The following NTRK2 variants were observed in gnomAD, a reference collection of about 807,000 sequenced individuals.
The protein encoded by NTRK2 is neurotrophic receptor tyrosine kinase 2.
NTRK2 carries 13 observed loss-of-function variants against 94.5 expected under a neutral mutation model. The ratio of observed to expected loss-of-function variants is 0.14; its 90% CI spans 0.09 to 0.22. The LOEUF is 0.22. Among genes scored for constraint, NTRK2 ranks in the 10% least tolerant of loss-of-function variants. NTRK2 has a pLI of 1.00. For missense variants in NTRK2, 639 were observed against 1,071.2 expected (o/e 0.60, Z 5.63); for synonymous variants, 372 against 407.4 (o/e 0.91, Z 1.05).
chr9:84,734,326 C>G (rs758606788), intron 9 of NTRK2, among the ~76,000 whole-genome samples: 1 of 152,190 alleles, frequency 6.6e-6, no homozygotes. Context: ...GCGAACATTC[C>G]CCACCTCCCT....
At chr9:84,810,079 C>T (rs1444686224) in intron 12 of NTRK2, among the ~76,000 whole-genome samples, 8 of 151,982 alleles carry the variant, frequency 5.3e-5, no homozygotes, top group Non-Finnish European at 8.8e-5. Context: ...GAAACTAATT[C>T]CCCCCACCCA....
intron 14 of NTRK2, among the ~76,000 whole-genome samples, chr9:84,909,338 G>T (rs947823679): frequency 6.6e-6 from 1 of 152,030 alleles, no homozygotes; most frequent in Non-Finnish European, 1.5e-5. Context: ...AGGACATCTG[G>T]GTTGTTTTTT....
chr9:84,790,601 C>T (rs2068628745), intron 12 of NTRK2, among the ~76,000 whole-genome samples: 1 of 152,202 alleles, frequency 6.6e-6, no homozygotes, highest in African/African-American at 2.4e-5. Context: ...TTTGCTATGC[C>T]TGCTGGTCTT....
At chr9:84,807,159 A>G (rs2133482731) in intron 12 of NTRK2, among the ~76,000 whole-genome samples, 1 of 152,326 alleles carries the variant, frequency 6.6e-6, no homozygotes, top group Non-Finnish European at 1.5e-5. Flanking sequence ...GTTAATTTAA[A>G]TGTACTGCAG....
rs1200832694 is a variant in NTRK2, at chr9:85,022,712, A to G, written c.*1275A>G. 1.3e-5 allele frequency: 3 copies of G among 233,130 alleles called. No homozygotes were observed. The highest frequency in any genetic ancestry group is 5.6e-5 in the Admixed American group (1 of 17,778). The allele number at this position is 233,130 out of a possible 1,614,324, so 14.4% of individuals were successfully genotyped here. ...TCCCTGATAGGTAGAGCAGATCCAT[A>G]AAAAGGTATGACTTATACAATTAGG... On this transcript the variant is annotated 3_prime_UTR_variant, in exon 19 of 19. Coordinates refer to ENST00000277120, the MANE Select transcript of NTRK2 (RefSeq NM_006180.6).
At chr9:84,824,825 G>A (rs2073079037) in intron 12 of NTRK2, among the ~76,000 whole-genome samples, 1 of 152,098 alleles carries the variant, frequency 6.6e-6, no homozygotes, top group African/African-American at 2.4e-5. Context: ...TTCCTTTGGA[G>A]AGCTTAAAGC....
chr9:84,713,995 C>G (rs995231628), intron 6 of NTRK2, among the ~76,000 whole-genome samples: 11 of 151,378 alleles, frequency 7.3e-5, no homozygotes, highest in Admixed American at 2.6e-4. Context: ...TGTATTCTTT[C>G]CATTTATTCT....
chr9:84,702,905 G>A (rs182369460), intron 4 of NTRK2, among the ~76,000 whole-genome samples: 37 of 152,312 alleles, frequency 2.4e-4, no homozygotes, highest in African/African-American at 7.9e-4. Flanking sequence ...TAAAGGTAGA[G>A]AAAAATCAAT....
intron 12 of NTRK2, among the ~76,000 whole-genome samples, chr9:84,858,534 T>C (rs1223428384): frequency 1.3e-5 from 2 of 152,030 alleles, no homozygotes; most frequent in Non-Finnish European, 2.9e-5. Context: ...CTTCCTCTGC[T>C]CTTTCCCATT....
At chr9:84,995,974 A>T (rs114784423) in intron 17 of NTRK2, among the ~76,000 whole-genome samples, 3,030 of 152,340 alleles carry the variant, frequency 0.02, 92 homozygotes, top group African/African-American at 0.064. Context: ...GGGAAAATAA[A>T]GGAAACAGAT....
chr9:84,740,314 C>A (rs1173416423), intron 9 of NTRK2, among the ~76,000 whole-genome samples: 1 of 152,190 alleles, frequency 6.6e-6, no homozygotes, highest in African/African-American at 2.4e-5. Context: ...TTTCAAGACT[C>A]TTCTCAGAGT....
At chr9:84,870,363 AT>A (rs1587761380) in intron 14 of NTRK2, among the ~76,000 whole-genome samples, 1 of 133,492 alleles carries the variant, frequency 7.5e-6, no homozygotes, top group African/African-American at 2.7e-5. Context: ...ATATATATAT[AT>A]AAAACTCTGT....
chr9:84,918,057 A>G (rs2077449749), intron 14 of NTRK2, among the ~76,000 whole-genome samples: 1 of 152,230 alleles, frequency 6.6e-6, no homozygotes, highest in Non-Finnish European at 1.5e-5. Flanking sequence ...TCTTTATTAC[A>G]ATTGACTTAC....
Position 84,955,346 on chromosome 9 carries a change from G to A in NTRK2, c.2001G>A (p.Ser667=), listed in dbSNP as rs202111021. The A allele has an allele frequency of 8.0e-5, 129 of 1,612,854 alleles. No individual in the cohort carries two copies. The highest frequency in any genetic ancestry group is 1.3e-4 in the South Asian group (12 of 90,834). ...ACCCGCCCACGGAACTGACGCAGTC[G>A]CAGATGCTGCATATAGCCCAGCAGA... ...EGNPPTELTQ[S]QMLHIAQQIA... Residue 667 remains serine (S), a synonymous_variant, in exon 17 of 19, where the codon TCG becomes TCA. Transcript: ENST00000277120.
intron 17 of NTRK2, among the ~76,000 whole-genome samples, chr9:84,977,952 C>T (rs969859660): frequency 6.6e-6 from 1 of 152,082 alleles, no homozygotes; most frequent in Non-Finnish European, 1.5e-5. Flanking sequence ...TTTTGTGGTG[C>T]CACAAACTAT....
intron 14 of NTRK2, among the ~76,000 whole-genome samples, chr9:84,933,288 G>A (rs933375171): frequency 6.6e-6 from 1 of 152,222 alleles, no homozygotes; most frequent in African/African-American, 2.4e-5. Context: ...GTCCTCTGCA[G>A]GGTCTCCTTG....
At chr9:84,821,640 T>A (rs570052457) in intron 12 of NTRK2, among the ~76,000 whole-genome samples, 19 of 152,378 alleles carry the variant, frequency 1.2e-4, no homozygotes, top group African/African-American at 4.3e-4. Context: ...GCAAAATTTC[T>A]GACTTGGCAA....
rs1433601778 is a variant in NTRK2, at chr9:84,953,960, G to A, written c.1938-1323G>A. ...GACAGTCACTGTAGGCTGGAGCCGG[G>A]ATGGAAGTGGGGATACGCCTGTGGC... On this transcript the variant is annotated intron_variant, in intron 16 of 18. Coordinates refer to ENST00000277120, the MANE Select transcript of NTRK2 (RefSeq NM_006180.6). Among the ~76,000 whole-genome samples, 5 of 152,316 alleles carry A rather than the reference G, an allele frequency of 3.3e-5. No homozygotes were observed. In the East Asian group the frequency reaches 7.7e-4, roughly 24 times the overall value.
intron 17 of NTRK2, among the ~76,000 whole-genome samples, chr9:84,982,798 TA>T (rs2133242279): frequency 6.6e-6 from 1 of 152,346 alleles, no homozygotes; most frequent in Non-Finnish European, 1.5e-5. Flanking sequence ...TGCTTTGATT[TA>T]AAAATAATTT....
Sources: allele counts gnomAD v4.1 joint callset (sites outside exome capture counted in the v4.1 genomes callset), GRCh38; gene constraint gnomAD v4.1.1; transcripts MANE v1.5; gene names NCBI Gene and HGNC (gene_info 2026-07-23, HGNC 2026-07-21).